NCLN: variants seen among roughly 807,000 people sequenced by gnomAD.
The protein encoded by NCLN is nicalin.
NCLN carries 34 observed loss-of-function variants against 69.5 expected under a neutral mutation model. The observed-to-expected ratio is 0.49, with a 90% CI of 0.37 to 0.65. The LOEUF is 0.65. NCLN is among the 30% of genes least tolerant of loss of function. NCLN has a pLI of 0.00. For synonymous variants in NCLN, 393 were observed against 358.3 expected (o/e 1.10, Z -1.09); for missense variants, 710 against 804.8 (o/e 0.88, Z 1.42).
At chr19:3,204,503 G>A in intron 8 of NCLN, 70 bp from the exon 9 acceptor site, 4 of 1,443,324 alleles carry the variant, frequency 2.8e-6, no homozygotes, top group Non-Finnish European at 3.7e-6. Flanking sequence ...GGCCCCTGGA[G>A]CATTTGGGGA....
intron 3 of NCLN, among the ~76,000 whole-genome samples, chr19:3,193,695 CAGG>C (rs1915889566): frequency 6.6e-6 from 1 of 152,268 alleles, no homozygotes; most frequent in Non-Finnish European, 1.5e-5. Context: ...ACCACGGACT[CAGG>C]AGGAGCCTTT....
At chr19:3,199,990 G>A (rs563045225) in intron 5 of NCLN, among the ~76,000 whole-genome samples, 12 of 151,972 alleles carry the variant, frequency 7.9e-5, no homozygotes, top group African/African-American at 2.4e-4. Flanking sequence ...CTGAGCCACC[G>A]CACCCAGTCC....
intron 6 of NCLN, among the ~76,000 whole-genome samples, 163 bp from the exon 7 acceptor site, chr19:3,203,593 G>A (rs1916181177): frequency 6.6e-6 from 1 of 152,182 alleles, no homozygotes; most frequent in Non-Finnish European, 1.5e-5. Context: ...CAGCCCCAGT[G>A]TCCACAGGGC....
rs180874442 is a variant in NCLN at position 3,190,906 on chromosome 19, G to C, written c.185-1564G>C. 1.5e-3 allele frequency among the ~76,000 whole-genome samples: 221 copies of C among 152,294 alleles called. 1 individual carries two copies. The highest frequency in any genetic ancestry group is 5.1e-3 in the African/African-American group (213 of 41,560). On this transcript the variant is annotated intron_variant, in intron 1 of 14. Transcript: ENST00000246117. ...ATTGGGATTTCCGGCTTCTGGGGTG[G>C]TCCACTGAGGTCCGTGTCCCCAGCT...
At chr19:3,203,520 G>T (rs957626786) in intron 6 of NCLN, among the ~76,000 whole-genome samples, 2 of 152,240 alleles carry the variant, frequency 1.3e-5, no homozygotes, top group Middle Eastern at 3.4e-3. Flanking sequence ...TGGGGTGGGT[G>T]AGGCCAGGGA....
rs1472001506 is a variant in NCLN, at chr19:3,208,694, C to G, written c.*1006C>G. On this transcript the variant is annotated 3_prime_UTR_variant, in exon 15 of 15. Coordinates refer to ENST00000246117, the MANE Select transcript of NCLN (RefSeq NM_020170.4). The stretch of plus-strand genomic sequence containing the variant: ...CCGGGGAGGCCTTGTGGCTCCTCCC[C>G]TCGCTCCTCGCCCTGGGCCTCAGCT... 6.6e-6 allele frequency: 1 copy of G among 152,300 alleles called. No homozygotes were observed. The highest frequency in any genetic ancestry group is 1.5e-5 in the Non-Finnish European group (1 of 68,236). 9.4% of individuals were successfully genotyped at this position (152,300 alleles called of 1,614,324 possible).
At position 3,207,718 on chromosome 19, in the gene NCLN, C is replaced by A; in HGVS notation, c.*30C>A. 1.3e-6 allele frequency: 2 copies of A among 1,588,994 alleles called. No individual in the cohort carries two copies. Among genetic ancestry groups the A allele is most frequent in the Non-Finnish European group, 1.7e-6 (2 of 1,158,992 alleles). On this transcript the variant is annotated 3_prime_UTR_variant, in exon 15 of 15. Coordinates refer to ENST00000246117, the MANE Select transcript of NCLN (RefSeq NM_020170.4). ...GCCACCCCCACAGCCGGAGCCCCCG[C>A]CGCTCCACAGTCCCTGGGGCCGAGC... is the stretch of plus-strand genomic sequence containing the variant.
chr19:3,204,443 C>A, intron 8 of NCLN, 130 bp from the exon 9 acceptor site: 19 of 1,067,510 alleles, frequency 1.8e-5, no homozygotes, highest in Non-Finnish European at 2.4e-5. Flanking sequence ...TAGGGGGACC[C>A]CGGGGGCAGG....
intron 4 of NCLN, among the ~76,000 whole-genome samples, chr19:3,197,551 CT>C (rs1394238033): frequency 6.6e-6 from 1 of 152,148 alleles, no homozygotes; most frequent in East Asian, 1.9e-4. Context: ...AGGCGATTGT[CT>C]TGCCTCGGCC....
chr19:3,202,982 C>T (rs1249996650), intron 6 of NCLN, among the ~76,000 whole-genome samples: 1 of 152,242 alleles, frequency 6.6e-6, no homozygotes, highest in African/African-American at 2.4e-5. Flanking sequence ...GTTTCCTTCT[C>T]TGACTCTGGT....
At chr19:3,187,718 C>T (rs987045912) in intron 1 of NCLN, among the ~76,000 whole-genome samples, 3 of 152,198 alleles carry the variant, frequency 2.0e-5, no homozygotes, top group Admixed American at 1.3e-4. Context: ...GACGGCCCCA[C>T]CCCAGAGAAC....
chr19:3,188,393 C>T (rs944308251), intron 1 of NCLN, among the ~76,000 whole-genome samples: 2 of 152,210 alleles, frequency 1.3e-5, no homozygotes, highest in Admixed American at 6.5e-5. Context: ...CAGATGTCTC[C>T]CCGTTCCACG....
At chr19:3,186,253 C>G in intron 1 of NCLN, 39 bp downstream of exon 1, 1 of 1,426,814 alleles carries the variant, frequency 7.0e-7, no homozygotes. Flanking sequence ...TCCCCGGGCT[C>G]CCCGGCCACG....
At position 3,204,634 on chromosome 19, in the gene NCLN, C is replaced by T. The variant is rs766353539; in HGVS notation, c.1091C>T (p.Ala364Val). Residue 364 changes from alanine to valine, a missense_variant, in exon 9 of 15, where the codon GCG becomes GTG. Ala to Val is a moderately conservative substitution (Grantham distance 64). Coordinates refer to ENST00000246117, the MANE Select transcript of NCLN (RefSeq NM_020170.4). Reference protein sequence around the residue: ...FSMVHKRINLAEDVLAWEHER... With the variant: ...FSMVHKRINLVEDVLAWEHER... ...ATGGTGCACAAGCGGATCAACCTGG[C>T]GGAGGACGTGCTGGCCTGGGAGCAC... 19 of 1,606,792 alleles carry T rather than the reference C, an allele frequency of 1.2e-5. No individual in the cohort carries two copies. The highest frequency in any genetic ancestry group is 1.1e-4 in the South Asian group (10 of 90,476).
Position 3,206,173 on chromosome 19 carries a change from G to A in NCLN, c.1318G>A (p.Val440Met). 1 of 1,360,940 alleles carries A rather than the reference G, an allele frequency of 7.3e-7. No individual in the cohort carries two copies. Among genetic ancestry groups the A allele is most frequent in the Non-Finnish European group, 9.7e-7 (1 of 1,030,356 alleles). The allele number at this position is 1,360,940 out of a possible 1,614,324, so 84.3% of individuals were successfully genotyped here. The change falls in exon 11 of 15, where the codon GTG becomes ATG. Residue 440 changes from valine to methionine, a missense_variant. Transcript: ENST00000246117. ...TEKGTPPDMP[V>M]FTEQMQIQQE... is the part of the protein sequence containing the mutation. ...GCAGGGGACACCCCCAGACATGCCGGTGTTCACAGAGCAGATGGTAAGGGG... is the reference window on the plus strand; with the variant it reads ...GCAGGGGACACCCCCAGACATGCCGATGTTCACAGAGCAGATGGTAAGGGG...
chr19:3,193,213 T>C, intron 2 of NCLN, 71 bp from the exon 3 acceptor site: 2 of 1,407,034 alleles, frequency 1.4e-6, no homozygotes, highest in Admixed American at 2.0e-5. Flanking sequence ...CCAGGGACAG[T>C]CACTGGGCCC....
chr19:3,196,107 G>A (rs1915947131), intron 3 of NCLN, 76 bp from the exon 4 acceptor site: 1 of 1,076,530 alleles, frequency 9.3e-7, no homozygotes, highest in Non-Finnish European at 1.3e-6. Flanking sequence ...CCCAACCTGG[G>A]GTGTCAGTGC....
intron 4 of NCLN, 66 bp downstream of exon 4, chr19:3,196,343 C>A: frequency 8.1e-7 from 1 of 1,230,854 alleles, no homozygotes; most frequent in Non-Finnish European, 1.1e-6. Flanking sequence ...GCCTGGCTCC[C>A]CGGCTCGGCC....
At chr19:3,194,023 G>C (rs1047064805) in intron 3 of NCLN, among the ~76,000 whole-genome samples, 1 of 152,198 alleles carries the variant, frequency 6.6e-6, no homozygotes, top group Non-Finnish European at 1.5e-5. Flanking sequence ...ATCAGCTACT[G>C]GGGGAGCAGG....
Sources: allele counts gnomAD v4.1 joint callset (sites outside exome capture counted in the v4.1 genomes callset), GRCh38; gene constraint gnomAD v4.1.1; transcripts MANE v1.5; gene names NCBI Gene and HGNC (gene_info 2026-07-23, HGNC 2026-07-21).